Variants in LST1 observed in about 807,000 individuals in gnomAD.
LST1 encodes the protein leukocyte specific transcript 1.
LST1 carries 9 observed loss-of-function variants against 8.5 expected under a neutral mutation model. That is an observed-to-expected ratio of 1.06 (90% confidence interval 0.64 to 1.85). The LOEUF (loss-of-function observed/expected upper bound fraction) is 1.85. LST1 is among the 40% of genes most tolerant of loss of function. LST1 has a pLI of 0.00. For synonymous variants in LST1, 53 were observed against 50.4 expected (o/e 1.05, Z -0.21); for missense variants, 121 against 117.1 (o/e 1.03, Z -0.16).
In LST1 at chr6:31,588,823, A is replaced by C; in HGVS notation, c.*147A>C. ...TTCAAATTGATCATCATCAAAACTT[A>C]TGTGGCTTTTTGACCTTTGAATAGG... On this transcript the variant is annotated 3_prime_UTR_variant, in exon 5 of 5. Transcript: ENST00000438075. 1 of 996,490 alleles carries C rather than the reference A, an allele frequency of 1.0e-6. No individual in the cohort carries two copies. The highest frequency in any genetic ancestry group is 1.5e-6 in the Non-Finnish European group (1 of 654,006). 61.7% of individuals were successfully genotyped at this position (996,490 alleles called of 1,614,324 possible). A position where few individuals can be genotyped will look rare whatever the true frequency, so the allele number is the denominator to read the frequency against.
chr6:31,588,534 A>C lies in LST1; in HGVS notation c.152A>C (p.Glu51Ala). The change falls in exon 5 of 5, where the codon GAG (glutamate) becomes GCG (alanine). Residue 51 changes from glutamate to alanine, a missense_variant. By Grantham distance (107) the Glu-to-Ala change is moderately radical. Transcript: ENST00000438075. The part of the protein sequence containing the change: ...LERSWAQGSS[E>A]QELHYASLQR... ...TGGTCCCAGGCCCAGGGCTCCTCAG[A>C]GCAGGAACTCCACTATGCATCTCTG... The C allele has an allele frequency of 6.2e-7, 1 of 1,608,674 alleles. No individual in the cohort carries two copies. The highest frequency in any genetic ancestry group is 1.1e-5 in the South Asian group (1 of 90,386).
At position 31,588,578 on chromosome 6, in the gene LST1, A is replaced by G; in HGVS notation, c.196A>G (p.Ser66Gly). Residue 66 changes from serine (S) to glycine (G), a missense_variant, in exon 5 of 5, where the codon AGC becomes GGC. By Grantham distance (56) the Ser-to-Gly change is moderately conservative. Transcript: ENST00000438075. ...YASLQRLPVPSSEGPDLRGRD... is the reference protein window; with the variant it reads ...YASLQRLPVPGSEGPDLRGRD... ...ATCTCTGCAGAGGCTGCCAGTGCCC[A>G]GCAGTGAGGGACCTGACCTCAGGGG... The G allele has an allele frequency of 6.2e-7, 1 of 1,612,980 alleles. No homozygotes were observed. Among genetic ancestry groups the G allele is most frequent in the Non-Finnish European group, 8.5e-7 (1 of 1,179,950 alleles).
At chr6:31,588,313 T>A in intron 4 of LST1, 2 of 637,226 alleles carry the variant, frequency 3.1e-6, no homozygotes, top group Non-Finnish European at 5.5e-6. Flanking sequence ...GGAAGATAGC[T>A]TGAGCTCAGG....
At position 31,587,651 on chromosome 6, in the gene LST1, C is replaced by T; in HGVS notation, c.30C>T (p.Ile10=). Residue 10 remains isoleucine (I), a synonymous_variant, in exon 3 of 5, where the codon ATC becomes ATT. Transcript: ENST00000438075. ...CCCTCTTCCCTGAAGATATATGTAT[C>T]TACGGGGGCCTGGGGCTGGGCGGGC... MLSRNDDIC[I]YGGLGLGGLL... is the part of the protein sequence containing the mutation. 1 of 1,599,914 alleles carries T rather than the reference C, an allele frequency of 6.3e-7. No individual in the cohort carries two copies. The highest frequency in any genetic ancestry group is 8.5e-7 in the Non-Finnish European group (1 of 1,173,266).
Position 31,587,686 on chromosome 6 carries a change from T to A in LST1, c.65T>A (p.Leu22Gln). The change falls in exon 3 of 5, where the codon CTG becomes CAG. Residue 22 changes from leucine to glutamine, a missense_variant. Coordinates refer to ENST00000438075, the MANE Select transcript of LST1 (RefSeq NM_205839.3). ...GGLGLGGLLL[L>Q]AVVLLSACLC... ...CTGGGGCTGGGCGGGCTCCTGCTTC[T>A]GGCAGTGGTCCTTCTGTCCGCCTGC... The A allele has an allele frequency of 6.2e-7, 1 of 1,601,696 alleles. No homozygotes were observed. Among genetic ancestry groups the A allele is most frequent in the East Asian group, 2.2e-5 (1 of 44,556 alleles).
At chr6:31,586,897 C>A in intron 1 of LST1, 1 of 248,066 alleles carries the variant, frequency 4.0e-6, no homozygotes, top group South Asian at 6.3e-5. Context: ...CTTACCAGCA[C>A]CTAGAACCAT....
At position 31,587,186 on chromosome 6, in the gene LST1, C is replaced by T. The variant is rs1476722114; in HGVS notation, c.-100-14C>T. On this transcript the variant is annotated splice_polypyrimidine_tract_variant and intron_variant, in intron 1 of 4. Transcript: ENST00000438075. ...CCTGGGAACGATTATAACAGAGGGC[C>T]CCTCACTTCACAGATGAGGAACTTG... is the stretch of plus-strand genomic sequence containing the variant. The T allele has an allele frequency of 6.7e-6, 5 of 745,172 alleles. No individual in the cohort carries two copies. The highest frequency in any genetic ancestry group is 2.0e-5 in the Admixed American group (1 of 50,090). The allele number at this position is 745,172 out of a possible 1,614,324, so 46.2% of individuals were successfully genotyped here. A position where few individuals can be genotyped will look rare whatever the true frequency, so the allele number is the denominator to read the frequency against.
At position 31,588,750 on chromosome 6, in the gene LST1, TC is replaced by T. The variant is rs780701091; in HGVS notation, c.*80del. On this transcript the variant is annotated 3_prime_UTR_variant, in exon 5 of 5. Coordinates refer to ENST00000438075, the MANE Select transcript of LST1 (RefSeq NM_205839.3). ...GTGGTCCAGCCAGTAAAAACCATGG[TC>T]CCCCCACTTCTGTGTCTCAGTCCTC... The T allele has an allele frequency of 6.9e-7, 1 of 1,450,632 alleles. No homozygotes were observed. Among genetic ancestry groups the T allele is most frequent in the South Asian group, 1.1e-5 (1 of 87,764 alleles). The allele number at this position is 1,450,632 out of a possible 1,614,324, so 89.9% of individuals were successfully genotyped here. A position where few individuals can be genotyped will look rare whatever the true frequency, so the allele number is the denominator to read the frequency against.
chr6:31,587,876 G>C (rs1016078338), intron 3 of LST1, 68 bp from the exon 4 acceptor site: 17 of 1,575,092 alleles, frequency 1.1e-5, no homozygotes, highest in Middle Eastern at 3.5e-4. Flanking sequence ...CTGCTGGTGG[G>C]GGGAGCCCGG....
rs527248245 is a variant in LST1, at chr6:31,587,707, C to T, written c.86C>T (p.Ala29Val). Residue 29 changes from alanine (A) to valine (V), a missense_variant, in exon 3 of 5, where the codon GCC (alanine) becomes GTC (valine). By Grantham distance (64) the Ala-to-Val change is moderately conservative. Transcript: ENST00000438075. ...CTTCTGGCAGTGGTCCTTCTGTCCG[C>T]CTGCCTGTGTTGGCTGCATCGAAGA... ...LLLLAVVLLS[A>V]CLCWLHRRVK... 1.2e-6 allele frequency: 2 copies of T among 1,602,264 alleles called. No individual in the cohort carries two copies. The highest frequency in any genetic ancestry group is 1.7e-6 in the Non-Finnish European group (2 of 1,175,306).
intron 4 of LST1, 46 bp downstream of exon 4, chr6:31,588,012 T>G (rs1349944822): frequency 6.4e-7 from 1 of 1,559,112 alleles, no homozygotes; most frequent in Non-Finnish European, 8.7e-7. Flanking sequence ...AGATCCTGAG[T>G]GGGTGAGTGG....
chr6:31,588,518 G>A lies in LST1; in HGVS notation c.136G>A (p.Ala46Thr), dbSNP rs184203129. 5.8e-5 allele frequency: 92 copies of A among 1,599,334 alleles called. No homozygotes were observed. In the African/African-American group the frequency reaches 6.7e-4, roughly 12 times the overall value. Residue 46 changes from alanine (A) to threonine (T), a missense_variant and splice_region_variant, in exon 5 of 5, where the codon GCC becomes ACC. Physicochemically the swap from Ala to Thr is moderately conservative, Grantham distance 58. Transcript: ENST00000438075. ...RRVKRLERSWAQGSSEQELHY... is the reference protein window; with the variant it reads ...RRVKRLERSWTQGSSEQELHY... ...TCAGCACCTTCTGTCCTGGTCCCAGGCCCAGGGCTCCTCAGAGCAGGAACT... is the reference window on the plus strand; with the variant it reads ...TCAGCACCTTCTGTCCTGGTCCCAGACCCAGGGCTCCTCAGAGCAGGAACT...
chr6:31,588,061 C>A, intron 4 of LST1, 95 bp downstream of exon 4: 4 of 1,315,112 alleles, frequency 3.0e-6, no homozygotes, highest in Non-Finnish European at 3.1e-6. Flanking sequence ...GGGTTGGGGA[C>A]GGGAGACAAG....
rs746225511 is a variant in LST1, at chr6:31,587,633, C to T, written c.20-8C>T. On this transcript the variant is annotated splice_region_variant and splice_polypyrimidine_tract_variant and intron_variant, in intron 2 of 4. Coordinates refer to ENST00000438075, the MANE Select transcript of LST1 (RefSeq NM_205839.3). ...GGGCTTCCTAACCTTGAGCCCTCTTCCCTGAAGATATATGTATCTACGGGG... is the reference window on the plus strand; with the variant it reads ...GGGCTTCCTAACCTTGAGCCCTCTTTCCTGAAGATATATGTATCTACGGGG... 2 of 1,574,264 alleles carry T rather than the reference C, an allele frequency of 1.3e-6. No individual in the cohort carries two copies. Among genetic ancestry groups the T allele is most frequent in the Admixed American group, 3.5e-5 (2 of 57,614 alleles).
At chr6:31,588,377 AG>A in intron 4 of LST1, 140 bp from the exon 5 acceptor site, 1 of 499,958 alleles carries the variant, frequency 2.0e-6, no homozygotes, top group Non-Finnish European at 3.4e-6. Context: ...AAGAAAAAAG[AG>A]AGAGAGAGAG....
rs1240592702 is a variant in LST1 at position 31,587,229 on chromosome 6, C to T, written c.-71C>T. ...GGAACTTGAGGCAAGTCACCAGCCC[C>T]TGATCATTTCGCCTAAAAGAGCAAG... is the stretch of plus-strand genomic sequence containing the variant. On this transcript the variant is annotated 5_prime_UTR_variant, in exon 2 of 5. Transcript: ENST00000438075. 2.0e-6 allele frequency: 2 copies of T among 1,015,888 alleles called. No individual in the cohort carries two copies. Among genetic ancestry groups the T allele is most frequent in the Non-Finnish European group, 3.1e-6 (2 of 639,180 alleles). 62.9% of individuals were successfully genotyped at this position (1,015,888 alleles called of 1,614,324 possible). A position where few individuals can be genotyped will look rare whatever the true frequency, so the allele number is the denominator to read the frequency against.
intron 3 of LST1, 37 bp from the exon 4 acceptor site, chr6:31,587,907 A>G (rs2150407122): frequency 1.2e-6 from 2 of 1,601,190 alleles, no homozygotes; most frequent in East Asian, 2.2e-5. Flanking sequence ...GAGAAGCACA[A>G]AGGGTGGGCT....
At position 31,588,077 on chromosome 6, in the gene LST1, A is replaced by G. The variant is rs1039189271; in HGVS notation, c.135+111A>G. On this transcript the variant is annotated intron_variant, in intron 4 of 4. Transcript: ENST00000438075. The stretch of plus-strand genomic sequence containing the variant: ...GGTTGGGGACGGGAGACAAGGAGAG[A>G]GAAAGTAGGAGCATGAGAGAGGCAG... 14 of 1,117,416 alleles carry G rather than the reference A, an allele frequency of 1.3e-5. No individual in the cohort carries two copies. In the Admixed American group the frequency reaches 1.3e-4, roughly 11 times the overall value. The allele number at this position is 1,117,416 out of a possible 1,614,324, so 69.2% of individuals were successfully genotyped here.
Position 31,588,829 on chromosome 6 carries a change from CT to C in LST1, c.*158del. 1 of 949,024 alleles carries C rather than the reference CT, an allele frequency of 1.1e-6. No individual in the cohort carries two copies. The highest frequency in any genetic ancestry group is 1.6e-6 in the Non-Finnish European group (1 of 621,280). The allele number at this position is 949,024 out of a possible 1,614,324, so 58.8% of individuals were successfully genotyped here. On this transcript the variant is annotated 3_prime_UTR_variant, in exon 5 of 5. Coordinates refer to ENST00000438075, the MANE Select transcript of LST1 (RefSeq NM_205839.3). ...TTGATCATCATCAAAACTTATGTGG[CT>C]TTTTGACCTTTGAATAGGGAATTTT...
Sources: gnomAD v4.1 joint callset for allele counts on GRCh38, gnomAD v4.1.1 for gene constraint, MANE v1.5 for transcripts, NCBI Gene and HGNC (gene_info 2026-07-23, HGNC 2026-07-21) for gene names.